SPAG16: variants seen among roughly 807,000 people sequenced by gnomAD.
SPAG16 encodes the protein sperm-associated antigen 16 protein.
In SPAG16, 86 loss-of-function variants were observed where a neutral mutation model predicts 80.4. The ratio of observed to expected loss-of-function variants is 1.07; its 90% CI spans 0.90 to 1.28. SPAG16 has a LOEUF of 1.28. Ranked by LOEUF, SPAG16 falls within the 50% of genes most tolerant of loss-of-function variation. SPAG16 has a pLI of 0.00. For missense variants in SPAG16, 870 were observed against 765.3 expected (o/e 1.14, Z -1.61); for synonymous variants, 294 against 265.9 (o/e 1.11, Z -1.03).
intron 11 of SPAG16, among the ~76,000 whole-genome samples, chr2:213,926,633 A>G (rs2106230600): frequency 6.6e-6 from 1 of 151,794 alleles, no homozygotes; most frequent in South Asian, 2.1e-4. Context: ...TATTTTTTTC[A>G]GATTTGCAGA....
chr2:213,287,654 A>G (rs933329637), intron 1 of SPAG16, among the ~76,000 whole-genome samples: 2 of 152,176 alleles, frequency 1.3e-5, no homozygotes, highest in African/African-American at 2.4e-5. Flanking sequence ...TTACTGGCCA[A>G]TGAAAAAGGC....
intron 10 of SPAG16, among the ~76,000 whole-genome samples, chr2:213,660,586 G>A (rs1186124131): frequency 6.6e-6 from 1 of 152,064 alleles, no homozygotes; most frequent in South Asian, 2.1e-4. Flanking sequence ...AAGGGTAGAA[G>A]GCTGCCCTGC....
chr2:213,656,821 C>G (rs2063240100), intron 10 of SPAG16, among the ~76,000 whole-genome samples: 1 of 152,070 alleles, frequency 6.6e-6, no homozygotes, highest in Admixed American at 6.5e-5. Flanking sequence ...GGGATTTGTA[C>G]TTTAAATATG....
At chr2:214,288,267 G>T (rs1258968308) in intron 15 of SPAG16, among the ~76,000 whole-genome samples, 2 of 151,974 alleles carry the variant, frequency 1.3e-5, no homozygotes, top group Non-Finnish European at 2.9e-5. Flanking sequence ...TTATTTTTAT[G>T]GCCAAATAGT....
chr2:213,457,101 A>G (rs1163511108), intron 9 of SPAG16, among the ~76,000 whole-genome samples: 1 of 152,136 alleles, frequency 6.6e-6, no homozygotes, highest in Non-Finnish European at 1.5e-5. Flanking sequence ...TCTCCCAGAA[A>G]TCATGCCTTA....
chr2:213,662,941 G>A (rs1304891307), intron 10 of SPAG16, among the ~76,000 whole-genome samples: 2 of 152,066 alleles, frequency 1.3e-5, no homozygotes, highest in Non-Finnish European at 2.9e-5. Flanking sequence ...GTAATAACCT[G>A]TAATGTAGAT....
chr2:214,323,328 ATATATATTTATT>A lies in SPAG16; in HGVS notation c.1721-86808_1721-86797del, dbSNP rs898877469. On this transcript the variant is annotated intron_variant, in intron 15 of 15. Coordinates refer to ENST00000331683, the MANE Select transcript of SPAG16 (RefSeq NM_024532.5). ...CATTTACTTGTGAGATTAAATATAT[ATATATATTTATT>A]TATTTATTTATTTATTTAAAGGGAT... Among the ~76,000 whole-genome samples, 51 of 143,288 alleles carry A rather than the reference ATATATATTTATT, an allele frequency of 3.6e-4. No homozygotes were observed. The East Asian group carries it at 6.8e-3, about 19-fold the overall frequency. 94.0% of individuals were successfully genotyped at this position (143,288 alleles called of 152,430 possible). A position where few individuals can be genotyped will look rare whatever the true frequency, so the allele number is the denominator to read the frequency against.
chr2:214,177,134 C>A (rs2057118040), intron 15 of SPAG16, among the ~76,000 whole-genome samples: 1 of 151,122 alleles, frequency 6.6e-6, no homozygotes, highest in Non-Finnish European at 1.5e-5. Context: ...TATATGAAAA[C>A]TAAAACCATT....
chr2:213,892,132 A>G (rs988623771), intron 11 of SPAG16, among the ~76,000 whole-genome samples: 1 of 152,156 alleles, frequency 6.6e-6, no homozygotes, highest in South Asian at 2.1e-4. Context: ...AAGGAGGTTC[A>G]TCTAATAGGT....
At chr2:213,816,508 A>G (rs1218327374) in intron 10 of SPAG16, among the ~76,000 whole-genome samples, 1 of 152,000 alleles carries the variant, frequency 6.6e-6, no homozygotes, top group African/African-American at 2.4e-5. Flanking sequence ...AATAAAATTT[A>G]TTTTTCTAAA....
At chr2:213,349,985 C>T (rs966733759) in intron 6 of SPAG16, among the ~76,000 whole-genome samples, 2 of 152,056 alleles carry the variant, frequency 1.3e-5, no homozygotes, top group Non-Finnish European at 2.9e-5. Flanking sequence ...ATTTTGAGGT[C>T]ATTTTCAAAT....
chr2:214,034,041 T>G (rs1006378434), intron 13 of SPAG16, among the ~76,000 whole-genome samples: 2 of 151,450 alleles, frequency 1.3e-5, no homozygotes, highest in African/African-American at 4.8e-5. Context: ...TTTCATTGTG[T>G]TTCATGATAT....
intron 14 of SPAG16, among the ~76,000 whole-genome samples, chr2:214,133,703 T>C (rs1368203790): frequency 6.6e-6 from 1 of 151,936 alleles, no homozygotes; most frequent in East Asian, 1.9e-4. Context: ...CCTGCAAAGA[T>C]AGAGGGTTGA....
At chr2:213,828,872 T>C (rs1012444623) in intron 10 of SPAG16, among the ~76,000 whole-genome samples, 3 of 152,194 alleles carry the variant, frequency 2.0e-5, no homozygotes, top group Non-Finnish European at 4.4e-5. Context: ...CTTTGCTTAC[T>C]TTCTCCTGAA....
In SPAG16 at chr2:213,554,400, T is replaced by G. The variant is rs2059358400; in HGVS notation, c.1070+64310T>G. ...GTCTTTCCACATGGAAACTAACTTA[T>G]AAAGTCTGCAAGAGGTCCAACAAAT... On this transcript the variant is annotated intron_variant, in intron 10 of 15. Coordinates refer to ENST00000331683, the MANE Select transcript of SPAG16 (RefSeq NM_024532.5). 2.0e-5 allele frequency among the ~76,000 whole-genome samples: 3 copies of G among 152,164 alleles called. No individual in the cohort carries two copies. In the South Asian group the frequency reaches 6.2e-4, roughly 32 times the overall value.
At chr2:213,347,253 G>A (rs1363389888) in intron 6 of SPAG16, among the ~76,000 whole-genome samples, 2 of 151,980 alleles carry the variant, frequency 1.3e-5, no homozygotes, top group Non-Finnish European at 2.9e-5. Context: ...ATTTTTTATT[G>A]TGTCTATTTG....
intron 15 of SPAG16, among the ~76,000 whole-genome samples, chr2:214,214,185 C>CTTTTTTTTTTTTTTTT (rs71399124): frequency 1.4e-5 from 2 of 140,060 alleles, no homozygotes; most frequent in Non-Finnish European, 3.1e-5. Flanking sequence ...TTCCTTTTTA[C>CTTTTTTTTTTTTTTTT]TTTTTTTTTT....
intron 11 of SPAG16, among the ~76,000 whole-genome samples, chr2:213,893,534 A>T (rs1217218835): frequency 6.6e-6 from 1 of 152,190 alleles, no homozygotes; most frequent in Non-Finnish European, 1.5e-5. Flanking sequence ...GATATGTAAT[A>T]TAAAATATGT....
At chr2:213,630,545 A>C (rs2062112501) in intron 10 of SPAG16, among the ~76,000 whole-genome samples, 1 of 152,218 alleles carries the variant, frequency 6.6e-6, no homozygotes, top group Non-Finnish European at 1.5e-5. Context: ...GTAAAAACAC[A>C]GTTCAAAAAA....
Sources: gnomAD v4.1 joint callset for allele counts (sites outside exome capture counted in the v4.1 genomes callset) on GRCh38, gnomAD v4.1.1 for gene constraint, MANE v1.5 for transcripts, NCBI Gene and HGNC (gene_info 2026-07-23, HGNC 2026-07-21) for gene names.